The following APOLD1 variants were observed in gnomAD, a reference collection of about 807,000 sequenced individuals.
APOLD1 encodes the protein apolipoprotein L domain-containing protein 1.
APOLD1 carries 22 observed loss-of-function variants against 15.3 expected under a neutral mutation model. That is an observed-to-expected ratio of 1.44 (90% CI 1.03 to 2.05). APOLD1 has a LOEUF of 2.05. Ranked by LOEUF, APOLD1 falls within the 30% of genes most tolerant of loss-of-function variation. The probability of loss-of-function intolerance (pLI) is 0.00; values close to 1 mark genes in which losing one functional copy is unlikely to be tolerated. For missense variants in APOLD1, 394 were observed against 353.5 expected (o/e 1.11, Z -0.92); for synonymous variants, 190 against 167.4 (o/e 1.13, Z -1.04).
At chr12:12,744,105 C>G (rs1946747714) in intron 1 of APOLD1, among the ~76,000 whole-genome samples, 1 of 151,984 alleles carries the variant, frequency 6.6e-6, no homozygotes, top group African/African-American at 2.4e-5. Context: ...CACTTGAGGT[C>G]AGGAGTTTGA....
intron 1 of APOLD1, among the ~76,000 whole-genome samples, chr12:12,747,504 ACT>A: frequency 6.6e-6 from 1 of 151,934 alleles, no homozygotes; most frequent in East Asian, 1.9e-4. Context: ...GCAGGCTGAC[ACT>A]CTGGTCGCCA....
chr12:12,761,745 G>A (rs557398422), intron 1 of APOLD1, among the ~76,000 whole-genome samples: 1 of 150,870 alleles, frequency 6.6e-6, no homozygotes, highest in East Asian at 2.0e-4. Flanking sequence ...TATATGAGAG[G>A]GTGCTGGAAG....
rs1350588422 is a variant in APOLD1 at position 12,730,061 on chromosome 12, TGTGTGTGTGTGTGTGTGAGAGAGA to T, written c.96+3967_96+3990del. Among the ~76,000 whole-genome samples the T allele has an allele frequency of 3.7e-3, 404 of 108,216 alleles. 4 individuals carry two copies. The highest frequency in any genetic ancestry group is 0.012 in the African/African-American group (374 of 30,004). The allele number at this position is 108,216 out of a possible 152,430, so 71.0% of individuals were successfully genotyped here. ...GTGTGTGTGTGTGTGTGTGTGTGTG[TGTGTGTGTGTGTGTGTGAGAGAGA>T]GAGAGAGAGAGACAGACAGGTTCTT... On this transcript the variant is annotated intron_variant, in intron 1 of 1. Coordinates refer to the APOLD1 transcript ENST00000326765.
rs567685793 is a variant in APOLD1 at position 12,756,259 on chromosome 12, C to T, written c.96+30163C>T. ...CAGCAATCGATTTTTCCAGATTTCT[C>T]TTTGAGTTCTTTTTCGAGAATAGCT... On this transcript the variant is annotated intron_variant, in intron 1 of 1. Transcript: ENST00000326765. 1.8e-4 allele frequency among the ~76,000 whole-genome samples: 27 copies of T among 152,280 alleles called. 1 individual carries two copies. Among genetic ancestry groups the T allele is most frequent in the African/African-American group, 6.3e-4 (26 of 41,568 alleles).
At chr12:12,748,723 G>A (rs1376080148) in intron 1 of APOLD1, among the ~76,000 whole-genome samples, 1 of 151,952 alleles carries the variant, frequency 6.6e-6, no homozygotes, top group African/African-American at 2.4e-5. Context: ...GGAAAAAAAT[G>A]TTTACTTGGT....
intron 1 of APOLD1, among the ~76,000 whole-genome samples, chr12:12,755,873 A>C (rs1946854227): frequency 6.6e-6 from 1 of 152,112 alleles, no homozygotes. Flanking sequence ...AAAACCTAAA[A>C]AACTGCAACG....
chr12:12,746,325 G>A (rs961720107), intron 1 of APOLD1, among the ~76,000 whole-genome samples: 2 of 152,138 alleles, frequency 1.3e-5, no homozygotes, highest in Non-Finnish European at 2.9e-5. Context: ...GTGAAACCCT[G>A]TCTCTACATA....
chr12:12,762,875 G>A (rs146698344), intron 1 of APOLD1, among the ~76,000 whole-genome samples: 7 of 152,204 alleles, frequency 4.6e-5, no homozygotes, highest in African/African-American at 9.6e-5. Flanking sequence ...CCTGGGCGCC[G>A]TAGCTCACAC....
chr12:12,750,773 C>G (rs1946807230), intron 1 of APOLD1, among the ~76,000 whole-genome samples: 1 of 150,894 alleles, frequency 6.6e-6, no homozygotes, highest in Non-Finnish European at 1.5e-5. Flanking sequence ...GTCACTGAAC[C>G]TTTTTTTTTT....
chr12:12,729,078 T>C (rs1041451443), intron 1 of APOLD1, among the ~76,000 whole-genome samples: 5 of 152,200 alleles, frequency 3.3e-5, no homozygotes, highest in Admixed American at 6.5e-5. Flanking sequence ...ATTTGGAATA[T>C]GTTTGAATTG....
intron 1 of APOLD1, among the ~76,000 whole-genome samples, chr12:12,731,128 A>G (rs766172303): frequency 3.6e-4 from 55 of 152,126 alleles, no homozygotes; most frequent in Non-Finnish European, 6.8e-4. Context: ...GCGACAGAGC[A>G]AGACGCCATC....
intron 1 of APOLD1, among the ~76,000 whole-genome samples, chr12:12,731,358 A>G (rs941187312): frequency 3.0e-4 from 45 of 152,214 alleles, no homozygotes; most frequent in African/African-American, 8.9e-4. Flanking sequence ...AAAATGGTAA[A>G]TTTTATGTAT....
intron 1 of APOLD1, among the ~76,000 whole-genome samples, chr12:12,750,575 T>C (rs139077472): frequency 1.7e-3 from 177 of 106,568 alleles, no homozygotes; most frequent in African/African-American, 4.6e-3. Flanking sequence ...GGAGGAGATT[T>C]ATGTTAAAGT....
chr12:12,757,468 TACTTA>T (rs1946865011), intron 1 of APOLD1, among the ~76,000 whole-genome samples: 1 of 152,228 alleles, frequency 6.6e-6, no homozygotes, highest in African/African-American at 2.4e-5. Context: ...TAACTCATTT[TACTTA>T]ACTTTTTAAA....
chr12:12,760,319 C>T (rs562216030), intron 1 of APOLD1, among the ~76,000 whole-genome samples: 9 of 148,742 alleles, frequency 6.1e-5, no homozygotes, highest in East Asian at 2.0e-4. Context: ...CAGTGAGACC[C>T]GGTCTCACAA....
intron 1 of APOLD1, among the ~76,000 whole-genome samples, chr12:12,738,758 G>T (rs902171467): frequency 2.6e-5 from 4 of 152,138 alleles, no homozygotes; most frequent in Non-Finnish European, 4.4e-5. Context: ...TTTGACATCT[G>T]CCTGTCTGTC....
rs1040547883 is a variant in APOLD1 at position 12,790,941 on chromosome 12, T to A, written c.*3289T>A. On this transcript the variant is annotated 3_prime_UTR_variant, in exon 2 of 2. Transcript: ENST00000356591. ...AAAAGAGAAGACGGGAGAGAGGTAT[T>A]TAGATGATAAGTGTACTTCACAAAA... The A allele has an allele frequency of 6.6e-6, 1 of 152,190 alleles. No individual in the cohort carries two copies. Among genetic ancestry groups the A allele is most frequent in the Admixed American group, 6.5e-5 (1 of 15,280 alleles). 9.4% of individuals were successfully genotyped at this position (152,190 alleles called of 1,614,324 possible).
At position 12,787,284 on chromosome 12, in the gene APOLD1, TG is replaced by T. The variant is rs768375253; in HGVS notation, c.380del (p.Cys127SerfsTer9). On this transcript the variant is annotated frameshift_variant, in exon 2 of 2. Coordinates refer to ENST00000356591, the MANE Select transcript of APOLD1 (RefSeq NM_030817.3). LOFTEE classifies it high-confidence loss of function. This position sits in a 1 kb window ranked among gnomAD's most constrained non-coding sequence, Gnocchi z 4.9. ...LRRVQEIAAT[C>X]QDQMREILSC... ...GAGGGTGCAGGAGATCGCGGCCACC[TG>T]CCAGGACCAGATGCGAGAGATCCTG... is the stretch of plus-strand genomic sequence containing the variant. The T allele has an allele frequency of 1.2e-5, 20 of 1,604,632 alleles. No individual in the cohort carries two copies. Among genetic ancestry groups the T allele is most frequent in the Non-Finnish European group, 1.7e-5 (20 of 1,175,798 alleles).
chr12:12,752,572 T>G (rs716990), intron 1 of APOLD1, among the ~76,000 whole-genome samples: 11,448 of 151,746 alleles, frequency 0.075, 573 homozygotes, highest in East Asian at 0.21. Flanking sequence ...AATGATACAA[T>G]CTCTTGTAGC....
Sources: gnomAD v4.1 joint callset for allele counts (sites outside exome capture counted in the v4.1 genomes callset) on GRCh38, gnomAD v4.1.1 for gene constraint, Gnocchi (gnomAD v3.1) non-coding constraint, MANE v1.5 for transcripts, NCBI Gene and HGNC (gene_info 2026-07-23, HGNC 2026-07-21) for gene names.